The following PKHD1 variants were observed in gnomAD, a reference collection of about 807,000 sequenced individuals.
The protein encoded by PKHD1 is fibrocystin.
A neutral mutation model predicts 412.0 loss-of-function variants in PKHD1; 291 were observed. The observed-to-expected ratio is 0.71, with a 90% CI of 0.64 to 0.78. The LOEUF is 0.78. PKHD1 is among the 30% of genes least tolerant of loss of function. The pLI, the probability that PKHD1 is intolerant of heterozygous loss-of-function variation, is 0.00. For missense variants in PKHD1, 4,825 were observed against 4,950.7 expected (o/e 0.97, Z 0.76); for synonymous variants, 1,777 against 1,821.5 (o/e 0.98, Z 0.62).
At chr6:52,081,812 T>TC (rs1400280345) in intron 4 of PKHD1, among the ~76,000 whole-genome samples, 3 of 152,274 alleles carry the variant, frequency 2.0e-5, no homozygotes, top group Admixed American at 1.3e-4. Context: ...GTGTTTTTTT[T>TC]CTCTTAACCA....
chr6:52,006,373 T>TG (rs1799061853), intron 35 of PKHD1, among the ~76,000 whole-genome samples: 1 of 148,956 alleles, frequency 6.7e-6, no homozygotes, highest in Admixed American at 6.7e-5. Context: ...TTGTTGTTGT[T>TG]GTTTGTTTGT....
At chr6:51,931,798 T>A (rs1786636140) in intron 37 of PKHD1, among the ~76,000 whole-genome samples, 1 of 149,092 alleles carries the variant, frequency 6.7e-6, no homozygotes, top group Admixed American at 6.8e-5. Context: ...GAAAATGGCC[T>A]AATCTGGGAA....
rs12196276 is a variant in PKHD1 at position 52,055,761 on chromosome 6, G to C, written c.1694-32C>G. On this transcript the variant is annotated intron_variant, in intron 18 of 66. Coordinates refer to ENST00000371117, the MANE Select transcript of PKHD1 (RefSeq NM_138694.4). ...GCAGTTCAGATAAAATAGAAAGGCA[G>C]GCATAGATATTAAAAAAGACAGAGC... The C allele has an allele frequency of 0.036, 57,200 of 1,609,904 alleles. 1,349 individuals are homozygous for C. Among genetic ancestry groups the C allele is most frequent in the South Asian group, 0.083 (7,552 of 90,746 alleles).
intron 35 of PKHD1, among the ~76,000 whole-genome samples, chr6:51,999,263 A>G (rs1798074768): frequency 6.6e-6 from 1 of 152,042 alleles, no homozygotes; most frequent in Non-Finnish European, 1.5e-5. Flanking sequence ...TTTATCTAAA[A>G]CCAGTTCAAT....
In PKHD1 at chr6:51,688,858, T is replaced by C. The variant is rs544781043; in HGVS notation, c.10157-28889A>G. 5.9e-5 allele frequency among the ~76,000 whole-genome samples: 9 copies of C among 152,124 alleles called. No individual in the cohort carries two copies. In the East Asian group the frequency reaches 7.7e-4, roughly 13 times the overall value. On this transcript the variant is annotated intron_variant, in intron 60 of 66. Transcript: ENST00000371117. ...ACCTTGAAATTGGGTCAGTAATAAATAGCCTACTAACCAAAAAAAGCCCAG... is the reference window on the plus strand; with the variant it reads ...ACCTTGAAATTGGGTCAGTAATAAACAGCCTACTAACCAAAAAAAGCCCAG...
chr6:52,042,944 A>G lies in PKHD1; in HGVS notation c.3012T>C (p.Leu1004=), dbSNP rs753011152. The G allele has an allele frequency of 5.0e-6, 8 of 1,613,768 alleles. No individual in the cohort carries two copies. The Admixed American group carries it at 1.3e-4, about 27-fold the overall frequency. The change falls in exon 27 of 67, where the codon CTT becomes CTC. Residue 1004 remains leucine (L), a synonymous_variant. Coordinates refer to ENST00000371117, the MANE Select transcript of PKHD1 (RefSeq NM_138694.4). ...RILMLVRPSG[L]AISATGEDLF... is the part of the protein sequence containing the mutation. ...GGTCTTCTCCAGTGGCACTGATGGC[A>G]AGACCAGAGGGTCTCACCAACATCA...
intron 52 of PKHD1, among the ~76,000 whole-genome samples, chr6:51,792,272 CA>C (rs1404090579): frequency 6.6e-6 from 1 of 152,172 alleles, no homozygotes; most frequent in Non-Finnish European, 1.5e-5. Context: ...AGCAGTAATT[CA>C]ACACTATAAA....
chr6:51,831,430 T>C (rs1377241195), intron 51 of PKHD1, among the ~76,000 whole-genome samples: 3 of 152,222 alleles, frequency 2.0e-5, no homozygotes, highest in Non-Finnish European at 4.4e-5. Flanking sequence ...CTTAGCCTAT[T>C]TTCCTATGCA....
chr6:52,048,390 A>C (rs1806197919), intron 23 of PKHD1, 102 bp downstream of exon 23: 1 of 1,134,476 alleles, frequency 8.8e-7, no homozygotes, highest in South Asian at 1.2e-5. Context: ...AAATAGCTTT[A>C]ATATTATCAC....
intron 48 of PKHD1, among the ~76,000 whole-genome samples, chr6:51,866,563 C>T (rs1444727094): frequency 1.3e-5 from 2 of 152,108 alleles, no homozygotes; most frequent in Non-Finnish European, 2.9e-5. Context: ...ACAAGTGCCT[C>T]TCCAAGAGAC....
rs573891701 is a variant in PKHD1 at position 51,712,169 on chromosome 6, T to C, written c.10156+32216A>G. ...CCTTTCCTTGCAACATCTGCTGTCG[T>C]TAACATGATCTCTGTTTGTCTTGAA... On this transcript the variant is annotated intron_variant, in intron 60 of 66. Coordinates refer to ENST00000371117, the MANE Select transcript of PKHD1 (RefSeq NM_138694.4). Among the ~76,000 whole-genome samples the C allele has an allele frequency of 8.6e-4, 131 of 152,350 alleles. 3 individuals are homozygous for C. The South Asian group carries it at 0.013, about 15-fold the overall frequency.
intron 60 of PKHD1, among the ~76,000 whole-genome samples, chr6:51,703,508 AAAAC>A (rs1160549689): frequency 2.6e-5 from 4 of 152,050 alleles, no homozygotes; most frequent in South Asian, 2.1e-4. Context: ...GGATTGACAA[AAAAC>A]AAACAAACAA....
chr6:51,793,098 C>T (rs1489095968), intron 52 of PKHD1, among the ~76,000 whole-genome samples: 2 of 152,068 alleles, frequency 1.3e-5, no homozygotes, highest in Non-Finnish European at 1.5e-5. Context: ...AGTTTAATCC[C>T]CTACATACCT....
At chr6:51,737,796 T>G (rs555663506) in intron 60 of PKHD1, among the ~76,000 whole-genome samples, 1 of 152,178 alleles carries the variant, frequency 6.6e-6, no homozygotes, top group African/African-American at 2.4e-5. Flanking sequence ...TGATTCAAAA[T>G]CTCCCTACAT....
chr6:51,893,636 G>A (rs142737375), intron 43 of PKHD1, among the ~76,000 whole-genome samples: 1 of 152,208 alleles, frequency 6.6e-6, no homozygotes, highest in African/African-American at 2.4e-5. Flanking sequence ...ATTTTGTGTG[G>A]AAATCAATTA....
At chr6:51,680,026 C>G (rs1260641086) in intron 60 of PKHD1, among the ~76,000 whole-genome samples, 1 of 151,924 alleles carries the variant, frequency 6.6e-6, no homozygotes, top group Non-Finnish European at 1.5e-5. Context: ...TCAGTTTTCT[C>G]CTTTGCAAAG....
Position 51,689,556 on chromosome 6 carries a change from T to C in PKHD1, c.10157-29587A>G, listed in dbSNP as rs572263107. 2.6e-5 allele frequency among the ~76,000 whole-genome samples: 4 copies of C among 152,280 alleles called. No individual in the cohort carries two copies. The East Asian group carries it at 7.7e-4, about 29-fold the overall frequency. ...AATAGGAAGAGAAGAAAGCAAACTA[T>C]CCTTGTTTGTAGAGGACATGATCCT... On this transcript the variant is annotated intron_variant, in intron 60 of 66. Transcript: ENST00000371117.
At chr6:51,807,077 T>G (rs1763890521) in intron 52 of PKHD1, among the ~76,000 whole-genome samples, 1 of 152,110 alleles carries the variant, frequency 6.6e-6, no homozygotes, top group Admixed American at 6.6e-5. Flanking sequence ...AGACTTCTTC[T>G]GCTAATAACC....
At position 51,619,168 on chromosome 6, in the gene PKHD1, A is replaced by T. The variant is rs1185725895; in HGVS notation, c.12138T>A (p.Leu4046=). Residue 4046 remains leucine (L), a synonymous_variant, in exon 67 of 67, where the codon CTT becomes CTA. Coordinates refer to ENST00000371117, the MANE Select transcript of PKHD1 (RefSeq NM_138694.4). ...RLSKQSGSLG[L]SQEKKASCGA... ...CGCAGGAGGCTTTCTTCTCTTGGGA[A>T]AGCCCCAAGCTGCCACTTTGCTTAC... The T allele has an allele frequency of 6.2e-7, 1 of 1,614,112 alleles. No individual in the cohort carries two copies. The highest frequency in any genetic ancestry group is 2.2e-5 in the East Asian group (1 of 44,892).
Sources: allele counts gnomAD v4.1 joint callset (sites outside exome capture counted in the v4.1 genomes callset), GRCh38; gene constraint gnomAD v4.1.1; transcripts MANE v1.5; gene names NCBI Gene and HGNC (gene_info 2026-07-23, HGNC 2026-07-21).